Variants in ANO4 observed in about 807,000 individuals in gnomAD.
ANO4 encodes the protein anoctamin 4.
ANO4 carries 69 observed loss-of-function variants against 141.9 expected under a neutral mutation model. That is an observed-to-expected ratio of 0.49 (90% CI 0.40 to 0.59). The LOEUF (loss-of-function observed/expected upper bound fraction) is 0.59. Ranked by LOEUF, ANO4 falls within the 20% of genes least tolerant of loss-of-function variation. The probability of loss-of-function intolerance (pLI) is 0.00; values close to 1 mark genes in which losing one functional copy is unlikely to be tolerated. For synonymous variants in ANO4, 350 were observed against 394.3 expected (o/e 0.89, Z 1.33); for missense variants, 894 against 1,162.2 (o/e 0.77, Z 3.36).
At chr12:100,954,768 A>T (rs1231162411) in intron 5 of ANO4, among the ~76,000 whole-genome samples, 1 of 152,336 alleles carries the variant, frequency 6.6e-6, no homozygotes, top group East Asian at 1.9e-4. Context: ...TAACATGGGC[A>T]TGGCTGAGTA....
At chr12:100,787,323 A>G (rs2033904855) in intron 3 of ANO4, among the ~76,000 whole-genome samples, 1 of 152,196 alleles carries the variant, frequency 6.6e-6, no homozygotes, top group Non-Finnish European at 1.5e-5. Context: ...AGAAAGTCCA[A>G]GCATTGGAAA....
intron 5 of ANO4, among the ~76,000 whole-genome samples, chr12:100,946,259 A>G (rs533972250): frequency 7.4e-4 from 112 of 152,342 alleles, no homozygotes; most frequent in Non-Finnish European, 1.4e-3. Flanking sequence ...TCTGAGTGAC[A>G]TAGGAAGCCA....
chr12:101,042,545 G>C lies in ANO4; in HGVS notation c.1154+77G>C, dbSNP rs2047450734. ...TGTTTGCACTTTGGGGGTATTCACA[G>C]ATTGTGGAGACATTTAGCTTTTCAC... On this transcript the variant is annotated intron_variant, in intron 12 of 27. Transcript: ENST00000392977. The C allele has an allele frequency of 2.6e-6, 4 of 1,560,226 alleles. No homozygotes were observed. In the South Asian group the frequency reaches 3.4e-5, roughly 13 times the overall value.
At chr12:100,832,731 C>T (rs939487568) in intron 1 of ANO4, among the ~76,000 whole-genome samples, 2 of 152,130 alleles carry the variant, frequency 1.3e-5, no homozygotes, top group Non-Finnish European at 2.9e-5. Flanking sequence ...AAATCACTTT[C>T]CTCTCAAGAT....
chr12:101,085,562 G>C (rs1355577510), intron 16 of ANO4, among the ~76,000 whole-genome samples: 1 of 152,118 alleles, frequency 6.6e-6, no homozygotes, highest in African/African-American at 2.4e-5. Flanking sequence ...CTATTTTATA[G>C]AATGGACTTG....
At chr12:100,873,629 A>G (rs2039142705) in intron 1 of ANO4, among the ~76,000 whole-genome samples, 2 of 152,146 alleles carry the variant, frequency 1.3e-5, no homozygotes, top group African/African-American at 4.8e-5. Flanking sequence ...GCCCATATTT[A>G]TATTTGTGAG....
At chr12:100,851,739 T>A (rs1027627290) in intron 1 of ANO4, among the ~76,000 whole-genome samples, 1 of 152,026 alleles carries the variant, frequency 6.6e-6, no homozygotes, top group Non-Finnish European at 1.5e-5. Context: ...AGGGGGTATG[T>A]GAAGTGTGGG....
At chr12:101,062,863 T>G (rs1392982397) in intron 14 of ANO4, among the ~76,000 whole-genome samples, 2 of 152,220 alleles carry the variant, frequency 1.3e-5, no homozygotes, top group Admixed American at 6.5e-5. Flanking sequence ...CTTGGCTCCC[T>G]GGCTTCAGCC....
At chr12:101,077,224 A>T (rs2049056858) in intron 14 of ANO4, among the ~76,000 whole-genome samples, 1 of 152,222 alleles carries the variant, frequency 6.6e-6, no homozygotes, top group South Asian at 2.1e-4. Flanking sequence ...GTGTTGTCAC[A>T]GCTCATTGGG....
chr12:100,970,611 C>G (rs2043872587), intron 5 of ANO4, among the ~76,000 whole-genome samples: 1 of 152,128 alleles, frequency 6.6e-6, no homozygotes, highest in East Asian at 1.9e-4. Context: ...CTTCAGAACA[C>G]TCAATATTAT....
At chr12:100,834,011 G>T (rs898329363) in intron 1 of ANO4, among the ~76,000 whole-genome samples, 10 of 152,098 alleles carry the variant, frequency 6.6e-5, no homozygotes, top group Non-Finnish European at 1.2e-4. Flanking sequence ...TTTTGGGAGG[G>T]CTAAGGTAGC....
intron 14 of ANO4, 57 bp downstream of exon 14, chr12:101,048,458 C>A: frequency 6.9e-7 from 1 of 1,459,738 alleles, no homozygotes; most frequent in Non-Finnish European, 9.5e-7. Flanking sequence ...ATGATATATT[C>A]CTTTAGAAGT....
At chr12:100,824,432 A>G (rs1294453549) in intron 1 of ANO4, among the ~76,000 whole-genome samples, 1 of 152,034 alleles carries the variant, frequency 6.6e-6, no homozygotes, top group Non-Finnish European at 1.5e-5. Flanking sequence ...GAACAAACAA[A>G]CAAACAAAAA....
intron 1 of ANO4, among the ~76,000 whole-genome samples, chr12:100,861,664 T>G (rs1593548477): frequency 1.3e-5 from 2 of 152,326 alleles, no homozygotes; most frequent in Admixed American, 1.3e-4. Flanking sequence ...GTTAAATTTT[T>G]TTGTTTCTTC....
rs539731418 is a variant in ANO4, at chr12:100,944,384, A to T, written c.456+1849A>T. Among the ~76,000 whole-genome samples, 121 of 152,132 alleles carry T rather than the reference A, an allele frequency of 8.0e-4. 1 individual carries two copies. In the East Asian group the frequency reaches 0.017, roughly 22 times the overall value. ...TTGTTTGTTGGAATTTAAAAAAAAA[A>T]TTTTAACAGGTATTTATTTTAATGT... On this transcript the variant is annotated intron_variant, in intron 5 of 27. Coordinates refer to ENST00000392977, the MANE Select transcript of ANO4 (RefSeq NM_001286615.2).
chr12:100,897,250 C>G (rs908715031), intron 1 of ANO4, among the ~76,000 whole-genome samples: 1 of 152,176 alleles, frequency 6.6e-6, no homozygotes, highest in East Asian at 1.9e-4. Context: ...TTTATATCAC[C>G]TGGACCCCAT....
chr12:100,895,314 C>T lies in ANO4; in HGVS notation c.-140-6332C>T, dbSNP rs561627523. On this transcript the variant is annotated intron_variant, in intron 1 of 27. Transcript: ENST00000392977. The stretch of plus-strand genomic sequence containing the variant: ...TGTGAGTTGTAAAACATTGACAGAA[C>T]GACAAATGTTCCTGTGGCATAGAGT... Among the ~76,000 whole-genome samples, 9 of 152,098 alleles carry T rather than the reference C, an allele frequency of 5.9e-5. No individual in the cohort carries two copies. In the East Asian group the frequency reaches 9.6e-4, roughly 16 times the overall value.
intron 3 of ANO4, among the ~76,000 whole-genome samples, chr12:100,775,658 A>G (rs2033476387): frequency 6.6e-6 from 1 of 152,214 alleles, no homozygotes; most frequent in Non-Finnish European, 1.5e-5. Context: ...ATACCTATAA[A>G]AAGTCTTAAC....
chr12:101,062,655 C>T (rs1316819980), intron 14 of ANO4, among the ~76,000 whole-genome samples: 1 of 152,234 alleles, frequency 6.6e-6, no homozygotes, highest in Non-Finnish European at 1.5e-5. Flanking sequence ...CCACCCAGTT[C>T]TAACTTCCTG....
Sources: allele counts gnomAD v4.1 joint callset (sites outside exome capture counted in the v4.1 genomes callset), GRCh38; gene constraint gnomAD v4.1.1; transcripts MANE v1.5; gene names NCBI Gene and HGNC (gene_info 2026-07-23, HGNC 2026-07-21).